NSF: variants seen among roughly 807,000 people sequenced by gnomAD.
NSF encodes N-ethylmaleimide sensitive factor, vesicle fusing ATPase.
Under a neutral mutation model 50.3 loss-of-function variants are expected in NSF, and 14 were observed. The observed-to-expected ratio is 0.28, with a 90% CI of 0.18 to 0.44. The LOEUF is 0.44. NSF is among the 20% of genes least tolerant of loss of function. The probability of loss-of-function intolerance (pLI) is 1.00; values close to 1 mark genes in which losing one functional copy is unlikely to be tolerated. For synonymous variants in NSF, 109 were observed against 175.7 expected, an observed-to-expected ratio of 0.62 and a Z score of 3.00; for missense variants, 218 against 504.3, an observed-to-expected ratio of 0.43 and a Z score of 5.44.
At position 46,755,306 on chromosome 17, in the gene NSF, G is replaced by A. The variant is rs1024452472; in HGVS notation, c.2158-8G>A. On this transcript the variant is annotated splice_region_variant and splice_polypyrimidine_tract_variant and intron_variant, in intron 19 of 20. Transcript: ENST00000398238. ...TTAACCCATCTTCATTTCTTCTGATGTATTTAGATGGATCCTGAATACCGT... is the reference window on the plus strand; with the variant it reads ...TTAACCCATCTTCATTTCTTCTGATATATTTAGATGGATCCTGAATACCGT... The A allele has an allele frequency of 1.2e-6, 2 of 1,610,366 alleles. No individual in the cohort carries two copies. The highest frequency in any genetic ancestry group is 1.7e-5 in the Admixed American group (1 of 59,998).
chr17:46,726,532 A>C lies in NSF; in HGVS notation c.1762-17A>C. 1 of 1,612,766 alleles carries C rather than the reference A, an allele frequency of 6.2e-7. No individual in the cohort carries two copies. The highest frequency in any genetic ancestry group is 8.5e-7 in the Non-Finnish European group (1 of 1,178,820). On this transcript the variant is annotated splice_polypyrimidine_tract_variant and intron_variant, in intron 15 of 20. Transcript: ENST00000398238. ...GTGGAGGACAGTGAGATAATAAATG[A>C]CTTTGTTTTCTTTCAGATCTTTGAT...
At chr17:46,638,669 G>A (rs899019875) in intron 5 of NSF, among the ~76,000 whole-genome samples, 13 of 142,002 alleles carry the variant, frequency 9.2e-5, no homozygotes, top group Non-Finnish European at 1.2e-4. Context: ...GAGCCACCAT[G>A]CCCAACCATT....
chr17:46,713,774 G>T (rs2058741201), intron 14 of NSF, 79 bp from the exon 15 acceptor site: 2 of 1,410,684 alleles, frequency 1.4e-6, no homozygotes, highest in Non-Finnish European at 2.0e-6. Flanking sequence ...AGTATGTTCT[G>T]GATAAAAGTT....
intron 17 of NSF, among the ~76,000 whole-genome samples, chr17:46,729,337 A>T (rs2058925879): frequency 1.3e-5 from 2 of 151,984 alleles, no homozygotes; most frequent in South Asian, 4.1e-4. Context: ...GTTTATGGGG[A>T]TATTTAAGTT....
At chr17:46,731,262 T>TA (rs2058946157) in intron 17 of NSF, among the ~76,000 whole-genome samples, 2 of 152,156 alleles carry the variant, frequency 1.3e-5, no homozygotes, top group Non-Finnish European at 2.9e-5. Context: ...TGATTCCAGT[T>TA]ACATGAAATG....
chr17:46,742,119 G>C (rs2059079520), intron 17 of NSF, among the ~76,000 whole-genome samples: 1 of 152,202 alleles, frequency 6.6e-6, no homozygotes, highest in Admixed American at 6.5e-5. Context: ...TCCTCTGCTA[G>C]AGAAGTCTGT....
chr17:46,742,373 G>A (rs1421798803), intron 17 of NSF, among the ~76,000 whole-genome samples: 1 of 152,090 alleles, frequency 6.6e-6, no homozygotes, highest in Non-Finnish European at 1.5e-5. Context: ...AGCTATACTG[G>A]GATTATCATT....
rs139314959 is a variant in NSF, at chr17:46,705,396, G to A, written c.1470+542G>A. 2.6e-3 allele frequency among the ~76,000 whole-genome samples: 391 copies of A among 151,900 alleles called. 5 individuals are homozygous for A. Among genetic ancestry groups the A allele is most frequent in the African/African-American group, 9.1e-3 (375 of 41,348 alleles). ...TAAAAAGTGTCAGTTTTCTTAAAAC[G>A]CACTCAAAATGGTCATAGTTGGAGC... On this transcript the variant is annotated intron_variant, in intron 13 of 20. Coordinates refer to ENST00000398238, the MANE Select transcript of NSF (RefSeq NM_006178.4).
At chr17:46,695,298 A>T (rs1242885148) in intron 12 of NSF, among the ~76,000 whole-genome samples, 7 of 137,172 alleles carry the variant, frequency 5.1e-5, no homozygotes, top group Non-Finnish European at 7.7e-5. Flanking sequence ...GTTTCCACGT[A>T]CTAGAATTTT....
chr17:46,671,617 C>G (rs971240404), intron 8 of NSF, among the ~76,000 whole-genome samples: 5 of 51,752 alleles, frequency 9.7e-5, no homozygotes, highest in African/African-American at 3.0e-4. Flanking sequence ...CAGACTAGAG[C>G]TTCTATTACA....
intron 17 of NSF, 52 bp from the exon 18 acceptor site, chr17:46,749,721 T>G: frequency 5.3e-6 from 8 of 1,502,270 alleles, no homozygotes; most frequent in Non-Finnish European, 7.2e-6. Flanking sequence ...TACTGTAGTT[T>G]CCTAATTAGT....
chr17:46,731,365 A>C (rs958397841), intron 17 of NSF, among the ~76,000 whole-genome samples: 4 of 152,118 alleles, frequency 2.6e-5, no homozygotes, highest in Non-Finnish European at 5.9e-5. Context: ...GGTCACTGCT[A>C]ATGGGTATGG....
rs893195424 is a variant in NSF, at chr17:46,719,537, G to C, written c.1761+5551G>C. Among the ~76,000 whole-genome samples the C allele has an allele frequency of 6.6e-6, 1 of 152,136 alleles. No individual in the cohort carries two copies. The highest frequency in any genetic ancestry group is 2.4e-5 in the African/African-American group (1 of 41,434). On this transcript the variant is annotated intron_variant, in intron 15 of 20. Transcript: ENST00000398238. The surrounding 1 kb of genome is among the most constrained non-coding windows in gnomAD (Gnocchi z 4.3). ...GGATAAACTCCTCAAAACTGCTGAA[G>C]TATGTATGAGGTATTGTCCTCACGT...
At chr17:46,733,031 G>C (rs2146304203) in intron 17 of NSF, among the ~76,000 whole-genome samples, 1 of 152,316 alleles carries the variant, frequency 6.6e-6, no homozygotes, top group African/African-American at 2.4e-5. Flanking sequence ...GACCACTGCA[G>C]TTCACCCTCC....
chr17:46,712,121 C>T (rs150612180), intron 14 of NSF, among the ~76,000 whole-genome samples: 47 of 152,188 alleles, frequency 3.1e-4, no homozygotes, highest in African/African-American at 6.3e-4. Context: ...TGGTTAGAAG[C>T]AGTTGGATTA....
chr17:46,723,483 A>G (rs1232885760), intron 15 of NSF, among the ~76,000 whole-genome samples: 1 of 152,230 alleles, frequency 6.6e-6, no homozygotes, highest in Admixed American at 6.5e-5. Flanking sequence ...CTCAAAGCCA[A>G]AAGGAACCAT....
intron 13 of NSF, among the ~76,000 whole-genome samples, chr17:46,708,973 C>T (rs1337169246): frequency 6.6e-6 from 1 of 151,382 alleles, no homozygotes; most frequent in South Asian, 2.1e-4. Flanking sequence ...TGCAGGCTTG[C>T]GCCACCATGC....
chr17:46,748,236 C>G (rs1302859843), intron 17 of NSF, among the ~76,000 whole-genome samples: 1 of 152,104 alleles, frequency 6.6e-6, no homozygotes, highest in Non-Finnish European at 1.5e-5. Flanking sequence ...CTCAACCTCC[C>G]AAGTAGCTGG....
intron 14 of NSF, 149 bp downstream of exon 14, chr17:46,711,268 A>G (rs1451180131): frequency 2.7e-6 from 2 of 744,520 alleles, no homozygotes; most frequent in South Asian, 3.1e-5. Flanking sequence ...CTATGTACCA[A>G]TATTGTGTAC....
Sources: allele counts gnomAD v4.1 joint callset (sites outside exome capture counted in the v4.1 genomes callset), GRCh38; gene constraint gnomAD v4.1.1; non-coding constraint Gnocchi (gnomAD v3.1); transcripts MANE v1.5; gene names NCBI Gene and HGNC (gene_info 2026-07-23, HGNC 2026-07-21).